CCDC170: variants seen among roughly 807,000 people sequenced by gnomAD.
The protein encoded by CCDC170 is coiled-coil domain containing 170.
In CCDC170, 69 loss-of-function variants were observed where a neutral mutation model predicts 72.6. The observed-to-expected ratio is 0.95, with a 90% CI of 0.78 to 1.16. CCDC170 has a LOEUF of 1.16. Among genes scored for constraint, CCDC170 ranks in the 50% most tolerant of loss-of-function variants. The pLI, the probability that CCDC170 is intolerant of heterozygous loss-of-function variation, is 0.00. For synonymous variants in CCDC170, 300 were observed against 303.9 expected (o/e 0.99, Z 0.13); for missense variants, 852 against 832.5 (o/e 1.02, Z -0.29).
chr6:151,548,659 G>A (rs946633919), intron 5 of CCDC170, among the ~76,000 whole-genome samples, 170 bp downstream of exon 5: 1 of 152,052 alleles, frequency 6.6e-6, no homozygotes, highest in African/African-American at 2.4e-5. Context: ...ATGGGACAAA[G>A]TGACTTGAAC....
At chr6:151,596,205 A>G (rs1298726213) in intron 8 of CCDC170, 130 bp from the exon 9 acceptor site, 11 of 1,131,994 alleles carry the variant, frequency 9.7e-6, no homozygotes, top group East Asian at 2.7e-5. Context: ...AAGGAATCCA[A>G]TGACTTTTTT....
intron 5 of CCDC170, among the ~76,000 whole-genome samples, chr6:151,553,025 G>A (rs901470930): frequency 1.7e-4 from 26 of 151,916 alleles, no homozygotes; most frequent in African/African-American, 6.0e-4. Flanking sequence ...GACTTCAAGT[G>A]ATCCACCCAC....
At chr6:151,615,777 G>T in intron 10 of CCDC170, 98 bp downstream of exon 10, 1 of 896,750 alleles carries the variant, frequency 1.1e-6, no homozygotes, top group Non-Finnish European at 1.8e-6. Flanking sequence ...TTTTAAAAAA[G>T]TTTGGACTGT....
intron 9 of CCDC170, among the ~76,000 whole-genome samples, chr6:151,608,989 C>T (rs1488561549): frequency 1.3e-5 from 2 of 152,096 alleles, no homozygotes. Flanking sequence ...TTACCTTTTT[C>T]CTTCAGTGGG....
At chr6:151,561,973 C>T (rs1776040688) in intron 5 of CCDC170, among the ~76,000 whole-genome samples, 1 of 152,120 alleles carries the variant, frequency 6.6e-6, no homozygotes, top group Non-Finnish European at 1.5e-5. Flanking sequence ...GACTGGTTGT[C>T]AAGATCTAAA....
At position 151,573,411 on chromosome 6, in the gene CCDC170, T is replaced by C. The variant is rs1776257372; in HGVS notation, c.1012T>C (p.Leu338=). Residue 338 remains leucine (L), a synonymous_variant, in exon 6 of 11, where the codon TTG becomes CTG. Transcript: ENST00000239374. ...AATCGCAGCCCTCCTTAGGGGCAGA[T>C]TGAGCATGACTGGGTCCACTGAGGA... The part of the protein sequence containing the change: ...EKIAALLRGR[L]SMTGSTEDTI... 1.2e-6 allele frequency: 2 copies of C among 1,614,020 alleles called. No individual in the cohort carries two copies. The highest frequency in any genetic ancestry group is 1.7e-5 in the Admixed American group (1 of 60,006).
At chr6:151,606,099 A>G (rs1020357260) in intron 9 of CCDC170, among the ~76,000 whole-genome samples, 2 of 152,190 alleles carry the variant, frequency 1.3e-5, no homozygotes, top group East Asian at 1.9e-4. Flanking sequence ...ACGGGGTTTC[A>G]GCATTTTGGC....
rs570171694 is a variant in CCDC170 at position 151,514,061 on chromosome 6, G to A, written c.57+19876G>A. Among the ~76,000 whole-genome samples, 14 of 151,906 alleles carry A rather than the reference G, an allele frequency of 9.2e-5. 1 individual carries two copies. In the Middle Eastern group the frequency reaches 0.02, roughly 221 times the overall value. ...AACCAAGATAAATAAAGCAAGATGA[G>A]CATGTGGGCAGGAGTGGTAACTGGG... On this transcript the variant is annotated intron_variant, in intron 1 of 10. Coordinates refer to ENST00000239374, the MANE Select transcript of CCDC170 (RefSeq NM_025059.4).
intron 3 of CCDC170, among the ~76,000 whole-genome samples, chr6:151,543,903 A>G (rs768888674): frequency 1.3e-5 from 2 of 152,010 alleles, no homozygotes; most frequent in South Asian, 2.1e-4. Flanking sequence ...TATCTTTGCT[A>G]TTATGAATAG....
At chr6:151,591,486 G>C (rs1022269157) in intron 7 of CCDC170, among the ~76,000 whole-genome samples, 3 of 151,666 alleles carry the variant, frequency 2.0e-5, no homozygotes, top group East Asian at 3.9e-4. Flanking sequence ...CATTTAACTT[G>C]GATGCATTAA....
At chr6:151,494,660 A>C (rs1230906672) in intron 1 of CCDC170, among the ~76,000 whole-genome samples, 1 of 152,176 alleles carries the variant, frequency 6.6e-6, no homozygotes, top group Non-Finnish European at 1.5e-5. Context: ...TCCTGAATGC[A>C]TCTACTCATT....
At chr6:151,525,179 G>A (rs1205725008) in intron 1 of CCDC170, among the ~76,000 whole-genome samples, 3 of 152,062 alleles carry the variant, frequency 2.0e-5, no homozygotes, top group African/African-American at 7.2e-5. Context: ...TGATCCGCCT[G>A]CCTCGGCCTC....
chr6:151,529,482 C>A (rs563302004), intron 1 of CCDC170, among the ~76,000 whole-genome samples: 28 of 152,142 alleles, frequency 1.8e-4, no homozygotes, highest in Non-Finnish European at 3.7e-4. Flanking sequence ...CATGGTGAAA[C>A]CCCGTCTCCA....
At chr6:151,599,481 G>A (rs1157336863) in intron 9 of CCDC170, among the ~76,000 whole-genome samples, 1 of 152,176 alleles carries the variant, frequency 6.6e-6, no homozygotes, top group Admixed American at 6.5e-5. Flanking sequence ...CTGGTTGGCT[G>A]CTGCTGATGC....
In CCDC170 at chr6:151,527,050, A is replaced by ATTT. The variant is rs56941290; in HGVS notation, c.58-9246_58-9244dup. ...GAGGTGTGCACCACCATGCTTAGCT[A>ATTT]TTTTTTTTTTTTTTTTTTTTTTTTG... On this transcript the variant is annotated intron_variant, in intron 1 of 10. Transcript: ENST00000239374. 2.9e-3 allele frequency among the ~76,000 whole-genome samples: 203 copies of ATTT among 69,634 alleles called. 10 individuals carry two copies. Among genetic ancestry groups the ATTT allele is most frequent in the Middle Eastern group, 0.01 (1 of 98 alleles). 45.7% of individuals were successfully genotyped at this position (69,634 alleles called of 152,430 possible).
At chr6:151,494,817 A>C (rs770794693) in intron 1 of CCDC170, among the ~76,000 whole-genome samples, 5 of 152,176 alleles carry the variant, frequency 3.3e-5, no homozygotes, top group African/African-American at 7.2e-5. Flanking sequence ...ACGGGCGCGC[A>C]CACACACGAA....
Position 151,618,267 on chromosome 6 carries a change from T to A in CCDC170, c.*120T>A. The A allele has an allele frequency of 1.2e-6, 1 of 859,324 alleles. No homozygotes were observed. Among genetic ancestry groups the A allele is most frequent in the Non-Finnish European group, 1.8e-6 (1 of 559,992 alleles). 53.2% of individuals were successfully genotyped at this position (859,324 alleles called of 1,614,324 possible). A position where few individuals can be genotyped will look rare whatever the true frequency, so the allele number is the denominator to read the frequency against. On this transcript the variant is annotated 3_prime_UTR_variant, in exon 11 of 11. Transcript: ENST00000239374. ...AATATTTTATGCTTTGATGATATAG[T>A]GAGAATGCATCACTTGCAAAAACGA...
At chr6:151,560,287 T>A (rs1214218003) in intron 5 of CCDC170, among the ~76,000 whole-genome samples, 2 of 152,174 alleles carry the variant, frequency 1.3e-5, no homozygotes, top group Non-Finnish European at 2.9e-5. Flanking sequence ...TTTCTTGGTG[T>A]TGATTTCTAA....
chr6:151,515,820 C>A (rs1312075772), intron 1 of CCDC170, among the ~76,000 whole-genome samples: 1 of 152,130 alleles, frequency 6.6e-6, no homozygotes, highest in Non-Finnish European at 1.5e-5. Flanking sequence ...ATAATCTCAA[C>A]TCTTTGGAAG....
Sources: allele counts gnomAD v4.1 joint callset (sites outside exome capture counted in the v4.1 genomes callset), GRCh38; gene constraint gnomAD v4.1.1; transcripts MANE v1.5; gene names NCBI Gene and HGNC (gene_info 2026-07-23, HGNC 2026-07-21).